The following GSE1 variants were observed in gnomAD, a reference collection of about 807,000 sequenced individuals.
The protein encoded by GSE1 is genetic suppressor element 1.
A neutral mutation model predicts 112.6 loss-of-function variants in GSE1; 32 were observed. That is an observed-to-expected ratio of 0.28 (90% CI 0.21 to 0.38). GSE1 has a LOEUF of 0.38. Among genes scored for constraint, GSE1 ranks in the 10% least tolerant of loss-of-function variants. The pLI, the probability that GSE1 is intolerant of heterozygous loss-of-function variation, is 1.00. For missense variants in GSE1, 2,348 were observed against 1,699.2 expected, an observed-to-expected ratio of 1.38 and a Z score of -6.71; for synonymous variants, 1,115 against 735.6, an observed-to-expected ratio of 1.52 and a Z score of -8.35.
At chr16:85,660,238 G>A (rs756749958) in intron 8 of GSE1, among the ~76,000 whole-genome samples, 28 of 152,208 alleles carry the variant, frequency 1.8e-4, no homozygotes, top group Non-Finnish European at 3.5e-4. Context: ...TGGGAAAATC[G>A]ACCGAAACTG....
intron 1 of GSE1, among the ~76,000 whole-genome samples, chr16:85,183,685 T>A (rs371543536): frequency 2.0e-4 from 31 of 152,228 alleles, no homozygotes; most frequent in Non-Finnish European, 4.3e-4. Flanking sequence ...GCTGTAAAGC[T>A]GGGACAGGAA....
intron 2 of GSE1, among the ~76,000 whole-genome samples, chr16:85,535,362 G>T (rs1259869313): frequency 1.3e-5 from 2 of 152,194 alleles, no homozygotes; most frequent in Non-Finnish European, 2.9e-5. Context: ...TCTCCGGGGG[G>T]TATGAGATTC....
At chr16:85,626,525 T>G (rs911721210) in intron 1 of GSE1, among the ~76,000 whole-genome samples, 4 of 152,140 alleles carry the variant, frequency 2.6e-5, no homozygotes, top group Admixed American at 6.5e-5. Flanking sequence ...GAGGGGTGAT[T>G]AGAGAATCCA....
intron 11 of GSE1, among the ~76,000 whole-genome samples, chr16:85,664,085 C>T (rs548316928): frequency 2.0e-5 from 3 of 152,264 alleles, no homozygotes; most frequent in Admixed American, 1.3e-4. Context: ...TTGAAAGATG[C>T]TTCCAGTTCA....
At chr16:85,319,835 TC>T (rs1047133344) in intron 1 of GSE1, among the ~76,000 whole-genome samples, 1 of 152,182 alleles carries the variant, frequency 6.6e-6, no homozygotes, top group African/African-American at 2.4e-5. Flanking sequence ...CAGTACAACA[TC>T]CTTGAACTGA....
chr16:85,190,158 C>T (rs373692703), intron 1 of GSE1, among the ~76,000 whole-genome samples: 3 of 152,328 alleles, frequency 2.0e-5, no homozygotes. Flanking sequence ...GAGGCTAAAG[C>T]AATTTCTCTC....
chr16:85,469,265 G>A (rs1162888531), intron 2 of GSE1, among the ~76,000 whole-genome samples: 1 of 150,732 alleles, frequency 6.6e-6, no homozygotes, highest in Non-Finnish European at 1.5e-5. Context: ...AAAAAAAAAA[G>A]AAGTGGGCCC....
intron 2 of GSE1, among the ~76,000 whole-genome samples, chr16:85,429,767 C>G (rs559225994): frequency 6.6e-6 from 1 of 152,360 alleles, no homozygotes; most frequent in East Asian, 1.9e-4. Context: ...GCATGTGGCT[C>G]TGAGCCCCCT....
chr16:85,657,184 TG>T, intron 7 of GSE1, 92 bp from the exon 8 acceptor site: 2 of 873,516 alleles, frequency 2.3e-6, no homozygotes, highest in South Asian at 1.8e-5. Context: ...GGAAGGGCTC[TG>T]GTTTCTCTGG....
At chr16:85,515,799 G>A (rs2051913194) in intron 2 of GSE1, among the ~76,000 whole-genome samples, 1 of 152,098 alleles carries the variant, frequency 6.6e-6, no homozygotes, top group South Asian at 2.1e-4. Flanking sequence ...TGTGGACAGA[G>A]CCCTTTAAGC....
At position 85,331,505 on chromosome 16, in the gene GSE1, A is replaced by ATG. The variant is rs780249268; in HGVS notation, c.2284-25957_2284-25956insGT. On this transcript the variant is annotated intron_variant, in intron 1 of 2. Coordinates refer to the GSE1 transcript ENST00000637419. ...TGTGTATATATGTGTATATGTGTAT[A>ATG]TATGTATATATGTGTATATATGTGT... 4.8e-3 allele frequency among the ~76,000 whole-genome samples: 601 copies of ATG among 124,338 alleles called. 7 individuals carry two copies. Among genetic ancestry groups the ATG allele is most frequent in the Middle Eastern group, 0.013 (3 of 226 alleles). 81.6% of individuals were successfully genotyped at this position (124,338 alleles called of 152,430 possible).
intron 2 of GSE1, among the ~76,000 whole-genome samples, chr16:85,390,022 C>T (rs1210202487): frequency 6.6e-6 from 1 of 152,192 alleles, no homozygotes; most frequent in Non-Finnish European, 1.5e-5. Context: ...AAAGCACAAG[C>T]AGCTGACCTC....
intron 1 of GSE1, among the ~76,000 whole-genome samples, chr16:85,193,182 T>G (rs2074859803): frequency 6.6e-6 from 1 of 152,148 alleles, no homozygotes; most frequent in African/African-American, 2.4e-5. Flanking sequence ...GAACACCGAG[T>G]CCACATTCCC....
rs148209438 is a variant in GSE1 at position 85,618,333 on chromosome 16, A to G, written c.7+4935A>G. ...GGCCCTCTGGCAGTTGAGGGTGAGG[A>G]TGAGATGCTGTAATGCCCGCCACAT... On this transcript the variant is annotated intron_variant, in intron 1 of 15. Transcript: ENST00000253458. Among the ~76,000 whole-genome samples, 1,253 of 152,196 alleles carry G rather than the reference A, an allele frequency of 8.2e-3. 18 individuals are homozygous for G. The highest frequency in any genetic ancestry group is 0.029 in the African/African-American group (1,209 of 41,520).
intron 1 of GSE1, among the ~76,000 whole-genome samples, chr16:85,617,672 C>T (rs1387944453): frequency 6.9e-6 from 1 of 143,982 alleles, no homozygotes; most frequent in Non-Finnish European, 1.5e-5. Flanking sequence ...AGAGCAGCTT[C>T]CTAGTCACCT....
Position 85,499,220 on chromosome 16 carries a change from G to A in GSE1, c.2465-134694G>A, listed in dbSNP as rs184980384. ...GCACAGTGAAGCTCATAGGATCTGC[G>A]GCATGAAGGACAACCCAGATGGGCA... On this transcript the variant is annotated intron_variant, in intron 2 of 2. Transcript: ENST00000637419. 3.0e-3 allele frequency among the ~76,000 whole-genome samples: 449 copies of A among 151,860 alleles called. 1 individual carries two copies. Among genetic ancestry groups the A allele is most frequent in the African/African-American group, 0.01 (426 of 41,382 alleles).
chr16:85,296,342 C>T (rs147247071), intron 1 of GSE1, among the ~76,000 whole-genome samples: 7 of 152,210 alleles, frequency 4.6e-5, no homozygotes, highest in East Asian at 1.9e-4. Flanking sequence ...CAGTGGCTCC[C>T]GCCTATAATC....
intron 1 of GSE1, among the ~76,000 whole-genome samples, chr16:85,615,265 G>T (rs944013274): frequency 6.6e-6 from 1 of 152,186 alleles, no homozygotes; most frequent in Non-Finnish European, 1.5e-5. Context: ...CATCCCGGCC[G>T]CCGGCTGTGC....
intron 1 of GSE1, among the ~76,000 whole-genome samples, chr16:85,629,305 G>A (rs1452191166): frequency 6.6e-6 from 1 of 152,258 alleles, no homozygotes; most frequent in African/African-American, 2.4e-5. Context: ...GGTGGTCATA[G>A]CACATCTGCC....
Sources: gnomAD v4.1 joint callset for allele counts (sites outside exome capture counted in the v4.1 genomes callset) on GRCh38, gnomAD v4.1.1 for gene constraint, MANE v1.5 for transcripts, NCBI Gene and HGNC (gene_info 2026-07-23, HGNC 2026-07-21) for gene names.